Variants in STK32B observed in about 807,000 individuals in gnomAD.
STK32B encodes serine/threonine kinase 32B, also known as serine/threonine-protein kinase 32B.
STK32B carries 43 observed loss-of-function variants against 52.6 expected under a neutral mutation model. The observed-to-expected ratio is 0.82, with a 90% CI of 0.64 to 1.05. The LOEUF (loss-of-function observed/expected upper bound fraction) is 1.05, where lower values mean the gene tolerates loss of function less well. STK32B is among the 50% of genes least tolerant of loss of function. The pLI, the probability that STK32B is intolerant of heterozygous loss-of-function variation, is 0.00. For missense variants in STK32B, 621 were observed against 534.6 expected, an observed-to-expected ratio of 1.16 and a Z score of -1.59; for synonymous variants, 238 against 204.3, an observed-to-expected ratio of 1.17 and a Z score of -1.41.
intron 1 of STK32B, among the ~76,000 whole-genome samples, chr4:5,131,428 A>G (rs1715764911): frequency 6.6e-6 from 1 of 152,180 alleles, no homozygotes; most frequent in Non-Finnish European, 1.5e-5. Context: ...AACAGCTTAA[A>G]CAAACATCAA....
intron 4 of STK32B, among the ~76,000 whole-genome samples, chr4:5,362,725 C>T (rs1462709026): frequency 6.6e-6 from 1 of 152,106 alleles, no homozygotes; most frequent in African/African-American, 2.4e-5. Context: ...CAGAGGCATA[C>T]CCAAAGAAGG....
intron 1 of STK32B, among the ~76,000 whole-genome samples, chr4:5,137,952 T>C (rs1716171333): frequency 6.6e-6 from 1 of 152,172 alleles, no homozygotes; most frequent in Non-Finnish European, 1.5e-5. Context: ...CATTGCTGAT[T>C]TGAGGACCCG....
intron 3 of STK32B, among the ~76,000 whole-genome samples, chr4:5,246,636 G>T (rs56144644): frequency 0.072 from 10,970 of 152,234 alleles, 573 homozygotes; most frequent in African/African-American, 0.15. Flanking sequence ...TCCTTTGGAG[G>T]AGGAGAGGTG....
intron 3 of STK32B, among the ~76,000 whole-genome samples, chr4:5,245,988 C>A (rs150341406): frequency 6.6e-6 from 1 of 152,176 alleles, no homozygotes; most frequent in African/African-American, 2.4e-5. Context: ...CGACCTTTCT[C>A]TTTGGCTGCC....
intron 11 of STK32B, among the ~76,000 whole-genome samples, chr4:5,487,724 C>T (rs6853071): frequency 3.3e-5 from 5 of 152,274 alleles, no homozygotes; most frequent in South Asian, 2.1e-4. Flanking sequence ...AAGGTAGCAT[C>T]GAGGAGGGGA....
intron 3 of STK32B, among the ~76,000 whole-genome samples, chr4:5,301,898 A>T (rs1729584130): frequency 1.3e-5 from 2 of 151,102 alleles, no homozygotes; most frequent in Non-Finnish European, 3.0e-5. Flanking sequence ...CTTCCCTTTA[A>T]TTGTAGTGTT....
chr4:5,492,995 G>A (rs1316499727), intron 11 of STK32B, among the ~76,000 whole-genome samples: 1 of 151,258 alleles, frequency 6.6e-6, no homozygotes, highest in East Asian at 1.9e-4. Context: ...ATTTTATTGA[G>A]GATTTTTGCA....
chr4:5,253,022 C>T (rs932274952), intron 3 of STK32B, among the ~76,000 whole-genome samples: 1 of 152,142 alleles, frequency 6.6e-6, no homozygotes, highest in African/African-American at 2.4e-5. Flanking sequence ...CTTGTGCTTG[C>T]TCTTTGTGGC....
chr4:5,043,552 C>G, the STK32B span, among the ~76,000 whole-genome samples: 1 of 152,242 alleles, frequency 6.6e-6, no homozygotes, highest in Non-Finnish European at 1.5e-5. Flanking sequence ...GATATCTTAG[C>G]AGCCTGCTCT....
At chr4:5,034,959 A>G in the STK32B span, among the ~76,000 whole-genome samples, 1 of 152,202 alleles carries the variant, frequency 6.6e-6, no homozygotes, top group Non-Finnish European at 1.5e-5. Context: ...AATGGTGCTA[A>G]CAATGCATTT....
intron 1 of STK32B, among the ~76,000 whole-genome samples, chr4:5,093,057 T>C (rs971297710): frequency 6.6e-6 from 1 of 152,186 alleles, no homozygotes; most frequent in African/African-American, 2.4e-5. Flanking sequence ...TAGGTATTTT[T>C]CAATAAACAT....
chr4:5,280,323 A>C (rs28840751), intron 3 of STK32B, among the ~76,000 whole-genome samples: 2 of 152,080 alleles, frequency 1.3e-5, no homozygotes, highest in African/African-American at 2.4e-5. Flanking sequence ...TAAGTTCCTC[A>C]TCTCCATCTG....
chr4:5,445,902 G>A (rs1198044191), intron 6 of STK32B, among the ~76,000 whole-genome samples: 1 of 150,414 alleles, frequency 6.6e-6, no homozygotes, highest in Non-Finnish European at 1.5e-5. Context: ...GGTATTTCAT[G>A]TTAGATGTCA....
chr4:5,131,651 T>G (rs934056948), intron 1 of STK32B, among the ~76,000 whole-genome samples: 1 of 152,148 alleles, frequency 6.6e-6, no homozygotes, highest in African/African-American at 2.4e-5. Flanking sequence ...GTCATGCATG[T>G]TTTTTGCCAA....
chr4:5,315,228 T>C (rs1730585431), intron 3 of STK32B, among the ~76,000 whole-genome samples: 1 of 137,166 alleles, frequency 7.3e-6, no homozygotes, highest in Middle Eastern at 3.6e-3. Flanking sequence ...TTCATCTTCC[T>C]TCTCCATTAG....
intron 6 of STK32B, among the ~76,000 whole-genome samples, chr4:5,434,454 G>GTATATATATATATA (rs5855854): frequency 1.5e-5 from 2 of 131,224 alleles, no homozygotes; most frequent in Non-Finnish European, 3.2e-5. Context: ...GTGTGTGTGT[G>GTATATATATATATA]TATATATATA....
chr4:5,123,540 A>G (rs1056486052), intron 1 of STK32B, among the ~76,000 whole-genome samples: 7 of 152,174 alleles, frequency 4.6e-5, no homozygotes, highest in African/African-American at 1.7e-4. Context: ...TTCTGGAGGC[A>G]ACAAGTCTGA....
intron 1 of STK32B, among the ~76,000 whole-genome samples, chr4:5,105,842 T>A (rs548924544): frequency 3.3e-5 from 5 of 151,478 alleles, no homozygotes; most frequent in African/African-American, 7.3e-5. Context: ...GGATTACAGG[T>A]GTGAGCCACC....
chr4:5,416,389 A>T (rs1712161573), intron 5 of STK32B, among the ~76,000 whole-genome samples: 1 of 151,922 alleles, frequency 6.6e-6, no homozygotes. Context: ...CTCCCTACTA[A>T]ATTCCTCAAT....
Sources: allele counts gnomAD v4.1 joint callset (sites outside exome capture counted in the v4.1 genomes callset), GRCh38; gene constraint gnomAD v4.1.1; transcripts MANE v1.5; gene names NCBI Gene and HGNC (gene_info 2026-07-23, HGNC 2026-07-21).